MBOAT1: variants seen among roughly 807,000 people sequenced by gnomAD.
The protein encoded by MBOAT1 is membrane-bound glycerophospholipid O-acyltransferase 1.
In MBOAT1, 67 loss-of-function variants were observed where a neutral mutation model predicts 64.4. That is an observed-to-expected ratio of 1.04 (90% confidence interval 0.85 to 1.27). The LOEUF (loss-of-function observed/expected upper bound fraction) is 1.27. Ranked by LOEUF, MBOAT1 falls within the 50% of genes most tolerant of loss-of-function variation. The pLI is 0.00. For synonymous variants in MBOAT1, 229 were observed against 218.9 expected (o/e 1.05, Z -0.41); for missense variants, 563 against 604.6 (o/e 0.93, Z 0.72).
At chr6:20,188,827 G>A (rs1233569859) in intron 1 of MBOAT1, among the ~76,000 whole-genome samples, 1 of 152,084 alleles carries the variant, frequency 6.6e-6, no homozygotes, top group African/African-American at 2.4e-5. Context: ...GTGTGGCTGT[G>A]GGCATGTCTT....
At chr6:20,111,335 G>A (rs541332593) in intron 11 of MBOAT1, among the ~76,000 whole-genome samples, 11 of 152,252 alleles carry the variant, frequency 7.2e-5, no homozygotes, top group Middle Eastern at 3.4e-3. Flanking sequence ...GACAGAGACC[G>A]GGGTCCACCC....
intron 1 of MBOAT1, among the ~76,000 whole-genome samples, chr6:20,182,369 C>A (rs1762535697): frequency 5.3e-5 from 8 of 152,170 alleles, no homozygotes; most frequent in Admixed American, 5.2e-4. Context: ...AGGCCCACCT[C>A]TTAATATTAT....
intron 1 of MBOAT1, among the ~76,000 whole-genome samples, chr6:20,192,811 C>T (rs758348476): frequency 6.6e-6 from 1 of 151,978 alleles, no homozygotes; most frequent in Admixed American, 6.6e-5. Flanking sequence ...CCCAAGGTCA[C>T]ACGCTTAATA....
intron 11 of MBOAT1, among the ~76,000 whole-genome samples, chr6:20,111,804 TCATATATATACATATATATA>T (rs1324458804): frequency 2.0e-5 from 1 of 51,002 alleles, no homozygotes; most frequent in Non-Finnish European, 4.4e-5. Context: ...TCCACTTTGT[TCATATATATACATATATATA>T]CATATATATA....
chr6:20,104,878 A>G (rs148501169), intron 12 of MBOAT1, among the ~76,000 whole-genome samples: 2 of 152,380 alleles, frequency 1.3e-5, no homozygotes, highest in Non-Finnish European at 2.9e-5. Context: ...TGCTTAGGAT[A>G]TGCAAAACAA....
chr6:20,125,843 G>A (rs1760633746), intron 7 of MBOAT1: 1 of 425,156 alleles, frequency 2.4e-6, no homozygotes, highest in South Asian at 1.7e-5. Context: ...TGTTTAACTT[G>A]AATTATCCTC....
chr6:20,144,331 T>C lies in MBOAT1; in HGVS notation c.324-16A>G, dbSNP rs1561761075. 1.3e-6 allele frequency: 2 copies of C among 1,499,274 alleles called. No individual in the cohort carries two copies. The highest frequency in any genetic ancestry group is 1.7e-5 in the Admixed American group (1 of 58,464). The allele number at this position is 1,499,274 out of a possible 1,614,324, so 92.9% of individuals were successfully genotyped here. On this transcript the variant is annotated splice_polypyrimidine_tract_variant and intron_variant, in intron 3 of 12. Coordinates refer to ENST00000324607, the MANE Select transcript of MBOAT1 (RefSeq NM_001080480.3). Reference sequence around the variant, plus strand: ...AAAGGAATATCTGAAAGCAAAAACATAGATGATCAGATTATTATGCATAGC... The same window carrying C: ...AAAGGAATATCTGAAAGCAAAAACACAGATGATCAGATTATTATGCATAGC...
At position 20,158,008 on chromosome 6, in the gene MBOAT1, T is replaced by C. The variant is rs888151814; in HGVS notation, c.100-5239A>G. 2.0e-5 allele frequency among the ~76,000 whole-genome samples: 3 copies of C among 151,702 alleles called. No homozygotes were observed. In the South Asian group the frequency reaches 6.2e-4, roughly 32 times the overall value. On this transcript the variant is annotated intron_variant, in intron 1 of 12. Coordinates refer to ENST00000324607, the MANE Select transcript of MBOAT1 (RefSeq NM_001080480.3). ...CTGTGTCTATTAAAAACACAAAAATTAGCCAGGCGTGATGGCATGTACCTG... is the reference window on the plus strand; with the variant it reads ...CTGTGTCTATTAAAAACACAAAAATCAGCCAGGCGTGATGGCATGTACCTG...
intron 1 of MBOAT1, among the ~76,000 whole-genome samples, chr6:20,154,022 G>C (rs1761604261): frequency 6.6e-6 from 1 of 152,170 alleles, no homozygotes. Context: ...TAATTGAAAA[G>C]AGACCGAAGA....
At chr6:20,164,588 A>C (rs1218375006) in intron 1 of MBOAT1, among the ~76,000 whole-genome samples, 1 of 152,180 alleles carries the variant, frequency 6.6e-6, no homozygotes, top group African/African-American at 2.4e-5. Flanking sequence ...TGATTTTAGA[A>C]TCCTAATCCA....
chr6:20,134,248 A>G (rs1229278480), intron 4 of MBOAT1, among the ~76,000 whole-genome samples: 1 of 152,202 alleles, frequency 6.6e-6, no homozygotes, highest in Non-Finnish European at 1.5e-5. Context: ...GAGAACCCAG[A>G]CAAATGCAAT....
At chr6:20,199,297 T>C (rs962545716) in intron 1 of MBOAT1, among the ~76,000 whole-genome samples, 1 of 152,236 alleles carries the variant, frequency 6.6e-6, no homozygotes, top group Non-Finnish European at 1.5e-5. Context: ...TCTATCTTGA[T>C]GAAATGATTG....
chr6:20,168,575 GAGAA>G (rs1309423708), intron 1 of MBOAT1, among the ~76,000 whole-genome samples: 4 of 104,826 alleles, frequency 3.8e-5, no homozygotes, highest in African/African-American at 1.5e-4. Context: ...AAGAGAGAGA[GAGAA>G]AGAGAGAGAG....
intron 3 of MBOAT1, among the ~76,000 whole-genome samples, chr6:20,148,202 G>C (rs1045057349): frequency 6.6e-6 from 1 of 152,174 alleles, no homozygotes; most frequent in African/African-American, 2.4e-5. Flanking sequence ...GGCAAATCAC[G>C]TAAGGTCAGT....
intron 1 of MBOAT1, among the ~76,000 whole-genome samples, chr6:20,156,860 A>G (rs150155550): frequency 2.6e-3 from 389 of 152,346 alleles, no homozygotes; most frequent in African/African-American, 8.8e-3. Flanking sequence ...ACAAAAGCCA[A>G]AACTGACAAA....
intron 8 of MBOAT1, 54 bp downstream of exon 8, chr6:20,124,354 T>C: frequency 6.4e-7 from 1 of 1,563,384 alleles, no homozygotes; most frequent in Admixed American, 1.8e-5. Context: ...GGCTAAGCCA[T>C]TCAAGCAGTA....
intron 1 of MBOAT1, among the ~76,000 whole-genome samples, chr6:20,206,527 G>A (rs1763270786): frequency 6.6e-6 from 1 of 152,082 alleles, no homozygotes; most frequent in South Asian, 2.1e-4. Flanking sequence ...CCTCCCTCCA[G>A]ACTCCCCCAC....
At chr6:20,143,601 C>T (rs1761243696) in intron 4 of MBOAT1, among the ~76,000 whole-genome samples, 1 of 152,128 alleles carries the variant, frequency 6.6e-6, no homozygotes, top group Non-Finnish European at 1.5e-5. Context: ...TGGAGCCTCT[C>T]AGAAGGTGGA....
chr6:20,207,755 C>T (rs1324055736), intron 1 of MBOAT1, among the ~76,000 whole-genome samples: 1 of 152,212 alleles, frequency 6.6e-6, no homozygotes, highest in Non-Finnish European at 1.5e-5. Context: ...ATTTACCAAG[C>T]ATCAAATGTA....
Sources: gnomAD v4.1 joint callset for allele counts (sites outside exome capture counted in the v4.1 genomes callset) on GRCh38, gnomAD v4.1.1 for gene constraint, MANE v1.5 for transcripts, NCBI Gene and HGNC (gene_info 2026-07-23, HGNC 2026-07-21) for gene names.